PPP2R3B: variants seen among roughly 807,000 people sequenced by gnomAD.
PPP2R3B encodes the protein serine/threonine-protein phosphatase 2A regulatory subunit B'' subunit beta.
PPP2R3B carries 68 observed loss-of-function variants against 72.9 expected under a neutral mutation model. The ratio of observed to expected loss-of-function variants is 0.93; its 90% confidence interval spans 0.77 to 1.14. The LOEUF is 1.14. Among genes scored for constraint, PPP2R3B ranks in the 50% most tolerant of loss-of-function variants. PPP2R3B has a pLI of 0.00. For missense variants in PPP2R3B, 1,018 were observed against 842.0 expected, an observed-to-expected ratio of 1.21 and a Z score of -2.59; for synonymous variants, 466 against 375.8, an observed-to-expected ratio of 1.24 and a Z score of -2.78.
Position 341,337 on chromosome X carries a change from A to G in PPP2R3B, c.1145T>C (p.Ile382Thr). The change falls in exon 9 of 13, where the codon ATC (isoleucine) becomes ACC (threonine). Residue 382 changes from isoleucine to threonine, a missense_variant. Transcript: ENST00000390665. ...CGGTGTTTTTTTGTCTTCCTCAGAG[A>G]TCAAAAACCAGACAAAGTCGGCATA... ...ISYADFVWFL[I>T]SEEDKKTPTS... 6.2e-7 allele frequency: 1 copy of G among 1,612,498 alleles called. No homozygotes were observed. The highest frequency in any genetic ancestry group is 1.7e-4 in the Middle Eastern group (1 of 6,054).
In PPP2R3B at chrX:346,290, C is replaced by T. The variant is rs1306378883; in HGVS notation, c.793-30G>A. On this transcript the variant is annotated intron_variant, in intron 5 of 12. Coordinates refer to ENST00000390665, the MANE Select transcript of PPP2R3B (RefSeq NM_013239.5). ...GGGGGCGCTGTCAGTGCGGTGGGTGCGCAGAGACCCCCAGGAGCCTCGCCC... is the reference window on the plus strand; with the variant it reads ...GGGGGCGCTGTCAGTGCGGTGGGTGTGCAGAGACCCCCAGGAGCCTCGCCC... The T allele has an allele frequency of 6.5e-6, 10 of 1,543,354 alleles. No individual in the cohort carries two copies. In the African/African-American group the frequency reaches 6.9e-5, roughly 11 times the overall value.
At chrX:382,157 A>G (rs1159843986) in intron 1 of PPP2R3B, among the ~76,000 whole-genome samples, 1 of 150,152 alleles carries the variant, frequency 6.7e-6, no homozygotes, top group Admixed American at 6.6e-5. Context: ...AGACCACTCC[A>G]GTCCCTCAAC....
intron 2 of PPP2R3B, among the ~76,000 whole-genome samples, chrX:353,656 C>G (rs1340402995): frequency 6.6e-6 from 1 of 152,272 alleles, no homozygotes; most frequent in African/African-American, 2.4e-5. Flanking sequence ...CCTTCACGAG[C>G]GCAGACGCAA....
intron 2 of PPP2R3B, among the ~76,000 whole-genome samples, chrX:356,133 C>T (rs187954555): frequency 2.6e-3 from 398 of 152,186 alleles, no homozygotes; most frequent in Non-Finnish European, 4.7e-3. Flanking sequence ...AAAGGCAAAG[C>T]GTGTGGCCAC....
rs140815967 is a variant in PPP2R3B at position 334,160 on chromosome X, C to T, written c.*207G>A. 5,042 of 491,030 alleles carry T rather than the reference C, an allele frequency of 0.01. 218 individuals carry two copies. Among genetic ancestry groups the T allele is most frequent in the African/African-American group, 0.091 (4,458 of 48,788 alleles). 30.4% of individuals were successfully genotyped at this position (491,030 alleles called of 1,614,324 possible). The stretch of plus-strand genomic sequence containing the variant: ...CGTGTGGGAACCCGTCCCATTCACG[C>T]GCGGCCCTACGTGTCCCCCTGGCAC... On this transcript the variant is annotated 3_prime_UTR_variant, in exon 13 of 13. Coordinates refer to ENST00000390665, the MANE Select transcript of PPP2R3B (RefSeq NM_013239.5).
chrX:386,399 C>A lies in PPP2R3B; in HGVS notation c.293G>T (p.Arg98Leu). Reference sequence around the variant, plus strand: ...CGTCCCTGCGGATCTACGGGTGCCTCGAACGTGGGGCGCGTTCCTGGGGCT... The same window carrying A: ...CGTCCCTGCGGATCTACGGGTGCCTAGAACGTGGGGCGCGTTCCTGGGGCT... ...ASSPRNAPHVRGTRRSAGTRV... is the reference protein window; with the variant it reads ...ASSPRNAPHVLGTRRSAGTRV... Residue 98 changes from arginine (R) to leucine (L), a missense_variant, in exon 1 of 13, where the codon CGA (arginine) becomes CTA (leucine). By Grantham distance (102) the Arg-to-Leu change is moderately radical. Transcript: ENST00000390665. The A allele has an allele frequency of 1.5e-6, 2 of 1,320,576 alleles. No individual in the cohort carries two copies. The highest frequency in any genetic ancestry group is 5.6e-5 in the East Asian group (2 of 35,856). 81.8% of individuals were successfully genotyped at this position (1,320,576 alleles called of 1,614,324 possible). A position where few individuals can be genotyped will look rare whatever the true frequency, so the allele number is the denominator to read the frequency against.
chrX:370,826 G>A (rs2071844227), intron 1 of PPP2R3B, among the ~76,000 whole-genome samples: 1 of 152,230 alleles, frequency 6.6e-6, no homozygotes, highest in African/African-American at 2.4e-5. Context: ...CCAGAGCCCA[G>A]GCTGTCACCA....
chrX:373,197 G>C (rs961574968), intron 1 of PPP2R3B, among the ~76,000 whole-genome samples: 4 of 152,196 alleles, frequency 2.6e-5, no homozygotes, highest in Non-Finnish European at 4.4e-5. Context: ...AGGCGCTGAC[G>C]GCTCTCACCC....
chrX:350,061 G>A (rs1312502237), intron 2 of PPP2R3B, among the ~76,000 whole-genome samples: 1 of 152,212 alleles, frequency 6.6e-6, no homozygotes, highest in East Asian at 1.9e-4. Flanking sequence ...CTCACAGGGG[G>A]ACCAAGTTGG....
rs1467395538 is a variant in PPP2R3B at position 347,295 on chromosome X, T to C, written c.656A>G (p.His219Arg). The C allele has an allele frequency of 1.9e-6, 3 of 1,613,732 alleles. No individual in the cohort carries two copies. Among genetic ancestry groups the C allele is most frequent in the East Asian group, 2.2e-5 (1 of 44,846 alleles). Residue 219 changes from histidine (H) to arginine (R), a missense_variant, in exon 4 of 13, where the codon CAT (histidine) becomes CGT (arginine). Transcript: ENST00000390665. The stretch of plus-strand genomic sequence containing the variant: ...GTTGCAGCCGGGGCTCATGAGCAGA[T>C]GGACGAACTTGGCCGCGTCGTCGTG... Reference protein sequence around the residue: ...NCHDDAAKFVHLLMSPGCNYL... With the variant: ...NCHDDAAKFVRLLMSPGCNYL...
chrX:341,819 G>A, intron 8 of PPP2R3B, 64 bp downstream of exon 8: 1 of 1,562,450 alleles, frequency 6.4e-7, no homozygotes, highest in Non-Finnish European at 8.8e-7. Flanking sequence ...AGGCAACGAT[G>A]AGGAGAGGGA....
Position 338,518 on chromosome X carries a change from ACACCCG to A in PPP2R3B, c.1577+80_1577+85del, listed in dbSNP as rs2070952082. 289 of 1,238,836 alleles carry A rather than the reference ACACCCG, an allele frequency of 2.3e-4. 12 individuals carry two copies. Among genetic ancestry groups the A allele is most frequent in the South Asian group, 3.1e-4 (23 of 74,308 alleles). The allele number at this position is 1,238,836 out of a possible 1,614,324, so 76.7% of individuals were successfully genotyped here. A position where few individuals can be genotyped will look rare whatever the true frequency, so the allele number is the denominator to read the frequency against. ...GACCCCGCATCCCCCGGCTGCACAC[ACACCCG>A]TCCTCCCACTCACCCGTCCTCCCCA... On this transcript the variant is annotated intron_variant, in intron 12 of 12. Coordinates refer to ENST00000390665, the MANE Select transcript of PPP2R3B (RefSeq NM_013239.5).
chrX:363,179 T>C (rs1456577783), intron 1 of PPP2R3B, among the ~76,000 whole-genome samples: 1 of 107,506 alleles, frequency 9.3e-6, no homozygotes, highest in Non-Finnish European at 2.1e-5. Flanking sequence ...ATTCAGAACG[T>C]GACCTCTGTG....
chrX:377,860 GGT>G (rs2072032540), intron 1 of PPP2R3B, among the ~76,000 whole-genome samples: 1 of 91,326 alleles, frequency 1.1e-5, no homozygotes, highest in Non-Finnish European at 2.1e-5. Context: ...ACACCCAGTG[GGT>G]CCGCCGTGGG....
intron 2 of PPP2R3B, among the ~76,000 whole-genome samples, chrX:359,689 C>T (rs187234148): frequency 6.6e-6 from 1 of 152,246 alleles, no homozygotes; most frequent in Admixed American, 6.5e-5. Context: ...TTAGCAAAAA[C>T]AAATATGCAA....
At chrX:376,884 C>T (rs1409551542) in intron 1 of PPP2R3B, among the ~76,000 whole-genome samples, 13 of 90,644 alleles carry the variant, frequency 1.4e-4, no homozygotes, top group African/African-American at 5.4e-4. Context: ...TATGCAGGGA[C>T]GGGCCGTCCA....
chrX:340,236 C>T (rs1307464366), intron 10 of PPP2R3B, among the ~76,000 whole-genome samples: 4 of 119,350 alleles, frequency 3.4e-5, no homozygotes, highest in Admixed American at 9.6e-5. Flanking sequence ...CCGCCTTGTG[C>T]GGCATCAGCA....
intron 1 of PPP2R3B, among the ~76,000 whole-genome samples, chrX:370,713 G>A (rs763705137): frequency 1.3e-5 from 2 of 152,278 alleles, no homozygotes; most frequent in South Asian, 2.1e-4. Flanking sequence ...CCTGGGCAGC[G>A]TCCTGGCCAA....
chrX:337,408 T>C (rs1329432699), intron 12 of PPP2R3B: 1 of 152,188 alleles, frequency 6.6e-6, no homozygotes, highest in Admixed American at 6.6e-5. Context: ...TGTGTTTTCA[T>C]ACAAAGGCAA....
Sources: gnomAD v4.1 joint callset for allele counts (sites outside exome capture counted in the v4.1 genomes callset) on GRCh38, gnomAD v4.1.1 for gene constraint, MANE v1.5 for transcripts, NCBI Gene and HGNC (gene_info 2026-07-23, HGNC 2026-07-21) for gene names.